Variants in PCDH7 observed in about 807,000 individuals in gnomAD.
PCDH7 encodes protocadherin-7.
In PCDH7, 17 loss-of-function variants were observed where a neutral mutation model predicts 58.9. The ratio of observed to expected loss-of-function variants is 0.29; its 90% CI spans 0.20 to 0.43. PCDH7 has a LOEUF of 0.43. Among genes scored for constraint, PCDH7 ranks in the 20% least tolerant of loss-of-function variants. The probability of loss-of-function intolerance (pLI) is 1.00; values close to 1 mark genes in which losing one functional copy is unlikely to be tolerated. For synonymous variants in PCDH7, 664 were observed against 616.4 expected (o/e 1.08, Z -1.14); for missense variants, 1,274 against 1,441.0 (o/e 0.88, Z 1.88).
At chr4:30,843,817 T>C (rs1281062939) in intron 1 of PCDH7, among the ~76,000 whole-genome samples, 1 of 152,122 alleles carries the variant, frequency 6.6e-6, no homozygotes, top group African/African-American at 2.4e-5. Flanking sequence ...CACTTTCTCT[T>C]ACAGACATAA....
At chr4:30,878,478 C>T (rs777943359) in intron 1 of PCDH7, among the ~76,000 whole-genome samples, 32 of 151,952 alleles carry the variant, frequency 2.1e-4, no homozygotes, top group Non-Finnish European at 3.8e-4. Flanking sequence ...TGGACCTTTC[C>T]GAAACTGAGG....
intron 3 of PCDH7, among the ~76,000 whole-genome samples, chr4:31,027,601 T>G (rs552457194): frequency 8.2e-4 from 124 of 152,112 alleles, no homozygotes; most frequent in African/African-American, 2.8e-3. Context: ...TTTTGTGTTT[T>G]TAGTAGATAT....
chr4:31,039,103 T>C (rs1755642574), intron 3 of PCDH7, among the ~76,000 whole-genome samples: 1 of 152,122 alleles, frequency 6.6e-6, no homozygotes, highest in African/African-American at 2.4e-5. Context: ...AATTATCAAT[T>C]CTAAATATCA....
At chr4:30,996,556 G>A (rs373032424) in intron 3 of PCDH7, among the ~76,000 whole-genome samples, 1 of 151,996 alleles carries the variant, frequency 6.6e-6, no homozygotes, top group Non-Finnish European at 1.5e-5. Flanking sequence ...CAGACCTTTC[G>A]AGATCATCTT....
chr4:30,934,617 T>A (rs764238792), intron 2 of PCDH7, among the ~76,000 whole-genome samples: 20 of 152,140 alleles, frequency 1.3e-4, no homozygotes, highest in Non-Finnish European at 2.1e-4. Context: ...GTTTCTTCTT[T>A]ATAATACCTT....
chr4:30,818,459 G>C (rs1195637231), intron 1 of PCDH7, among the ~76,000 whole-genome samples: 1 of 152,140 alleles, frequency 6.6e-6, no homozygotes, highest in African/African-American at 2.4e-5. Context: ...TATGGGACTA[G>C]TTGTTTTTCA....
intron 3 of PCDH7, among the ~76,000 whole-genome samples, chr4:31,063,598 A>G (rs1396395390): frequency 6.6e-6 from 1 of 151,912 alleles, no homozygotes; most frequent in East Asian, 1.9e-4. Context: ...TAACTTGTAA[A>G]AGAGATAGCA....
intron 3 of PCDH7, among the ~76,000 whole-genome samples, chr4:30,970,140 G>GT (rs1461053639): frequency 6.6e-6 from 1 of 152,076 alleles, no homozygotes; most frequent in African/African-American, 2.4e-5. Context: ...TTATAAATGG[G>GT]TTTTTATTAA....
intron 1 of PCDH7, chr4:30,783,218 A>G (rs557072318): frequency 2.6e-5 from 4 of 152,306 alleles, no homozygotes; most frequent in South Asian, 4.1e-4. Context: ...TAAACTTTTC[A>G]ATGTTAATAA....
chr4:30,818,141 C>G (rs1030055772), intron 1 of PCDH7, among the ~76,000 whole-genome samples: 2 of 152,200 alleles, frequency 1.3e-5, no homozygotes, highest in African/African-American at 4.8e-5. Flanking sequence ...TTGAGGTCGT[C>G]TTAGCAGTGA....
At chr4:31,053,696 C>G (rs1204600938) in intron 3 of PCDH7, among the ~76,000 whole-genome samples, 1 of 152,154 alleles carries the variant, frequency 6.6e-6, no homozygotes, top group Non-Finnish European at 1.5e-5. Flanking sequence ...GCATGGTACA[C>G]TCACTCACTG....
At chr4:30,893,515 A>G (rs1738884279) in intron 1 of PCDH7, among the ~76,000 whole-genome samples, 1 of 152,098 alleles carries the variant, frequency 6.6e-6, no homozygotes, top group Admixed American at 6.6e-5. Context: ...TATGGCTATT[A>G]CCACTTTGAA....
chr4:31,007,812 T>C (rs1204977970), intron 3 of PCDH7, among the ~76,000 whole-genome samples: 1 of 152,188 alleles, frequency 6.6e-6, no homozygotes, highest in East Asian at 1.9e-4. Flanking sequence ...GTAGCTTTAG[T>C]ATATGACCTC....
intron 3 of PCDH7, among the ~76,000 whole-genome samples, chr4:30,975,436 G>C (rs1749985767): frequency 6.6e-6 from 1 of 151,902 alleles, no homozygotes; most frequent in Non-Finnish European, 1.5e-5. Flanking sequence ...AATCATTATT[G>C]TACAAGAATA....
downstream of PCDH7, chr4:31,146,209 GAAA>G (rs1013033097): frequency 2.6e-5 from 4 of 151,812 alleles, no homozygotes; most frequent in African/African-American, 9.7e-5. Flanking sequence ...TGTCTTGTAG[GAAA>G]ATAGAATAAA....
At chr4:30,914,360 T>C (rs932527787) in intron 1 of PCDH7, among the ~76,000 whole-genome samples, 1 of 152,182 alleles carries the variant, frequency 6.6e-6, no homozygotes, top group Non-Finnish European at 1.5e-5. Context: ...TAGGAGGGTA[T>C]GTCCTTAAGT....
At chr4:30,846,210 G>A (rs1731926805) in intron 1 of PCDH7, among the ~76,000 whole-genome samples, 1 of 152,096 alleles carries the variant, frequency 6.6e-6, no homozygotes, top group Non-Finnish European at 1.5e-5. Context: ...TGTCCCCAAA[G>A]TTCAATGCAA....
In PCDH7 at chr4:30,849,094, AG is replaced by A. The variant is rs1422744609; in HGVS notation, c.71-71058del. 1.3e-4 allele frequency among the ~76,000 whole-genome samples: 20 copies of A among 152,204 alleles called. No homozygotes were observed. The East Asian group carries it at 3.7e-3, about 28-fold the overall frequency. ...CACATTCACTTATTTGTGGTTTGTC[AG>A]TGGAGAAAAATAGCATAGGGAAGTC... On this transcript the variant is annotated intron_variant, in intron 1 of 3. Transcript: ENST00000509759.
chr4:30,793,456 T>G (rs1035389535), intron 1 of PCDH7, among the ~76,000 whole-genome samples: 3 of 152,184 alleles, frequency 2.0e-5, no homozygotes, highest in African/African-American at 7.2e-5. Flanking sequence ...TTATACCAGT[T>G]AATTAGCACT....
Sources: allele counts gnomAD v4.1 joint callset (sites outside exome capture counted in the v4.1 genomes callset), GRCh38; gene constraint gnomAD v4.1.1; transcripts MANE v1.5; gene names NCBI Gene and HGNC (gene_info 2026-07-23, HGNC 2026-07-21).